MTMR1: variants seen among roughly 807,000 people sequenced by gnomAD.
MTMR1 encodes myotubularin related protein 1.
Under a neutral mutation model 51.6 loss-of-function variants are expected in MTMR1, and 17 were observed. The observed-to-expected ratio is 0.33, with a 90% confidence interval of 0.23 to 0.49. The LOEUF (loss-of-function observed/expected upper bound fraction) is 0.49, where lower values mean the gene tolerates loss of function less well. Among genes scored for constraint, MTMR1 ranks in the 20% least tolerant of loss-of-function variants. The pLI is 0.99. For missense variants in MTMR1, 386 were observed against 526.9 expected (o/e 0.73, Z 2.62); for synonymous variants, 201 against 205.6 (o/e 0.98, Z 0.19).
chrX:150,695,930 G>C (rs781883201), intron 1 of MTMR1, among the ~76,000 whole-genome samples: 2 of 111,828 alleles, frequency 1.8e-5, no homozygotes, highest in Admixed American at 1.9e-4. Flanking sequence ...TCAGATGTGA[G>C]GGGGGAGTGC....
In MTMR1 at chrX:150,730,045, C is replaced by T. The variant is rs569133474; in HGVS notation, c.556-64C>T. 212 of 646,008 alleles carry T rather than the reference C, an allele frequency of 3.3e-4. 1 individual carries two copies. In the South Asian group the frequency reaches 6.7e-3, roughly 20 times the overall value. The allele number at this position is 646,008 out of a possible 1,213,427, so 53.2% of individuals were successfully genotyped here. On this transcript the variant is annotated intron_variant, in intron 6 of 15. Coordinates refer to ENST00000445323, the MANE Select transcript of MTMR1 (RefSeq NM_001306144.3). ...AAAAATAATTTCCTTATTTATGGCA[C>T]GGTATCTGGCTTATAGGTGCCTGAT...
chrX:150,730,980 G>C (rs983193452), intron 8 of MTMR1, among the ~76,000 whole-genome samples: 3 of 112,416 alleles, frequency 2.7e-5, no homozygotes, highest in African/African-American at 3.2e-5. Context: ...CTGATCCAGT[G>C]TTCCCGGGTC....
intron 1 of MTMR1, among the ~76,000 whole-genome samples, chrX:150,697,568 G>A (rs781791599): frequency 9.0e-6 from 1 of 111,363 alleles, no homozygotes; most frequent in South Asian, 3.8e-4. Context: ...AGAGGAACCC[G>A]GCCTCTGGGG....
At chrX:150,714,571 G>A (rs1297022651) in intron 3 of MTMR1, 5 of 924,142 alleles carry the variant, frequency 5.4e-6, no homozygotes, top group Non-Finnish European at 7.1e-6. Flanking sequence ...GCTACAGATC[G>A]TGTATTTAGA....
At chrX:150,693,732 C>T in intron 1 of MTMR1, 56 bp downstream of exon 1, 1 of 720,886 alleles carries the variant, frequency 1.4e-6, no homozygotes, top group Non-Finnish European at 1.6e-6. Context: ...GAGGGCCCCG[C>T]GCGAGGCCAG....
At chrX:150,696,796 C>T (rs1437199420) in intron 1 of MTMR1, among the ~76,000 whole-genome samples, 5 of 111,025 alleles carry the variant, frequency 4.5e-5, no homozygotes, top group Non-Finnish European at 9.4e-5. Context: ...TGGGGAGTGG[C>T]CTCCAGCAGC....
rs2041800943 is a variant in MTMR1, at chrX:150,722,975, T to C, written c.353-4240T>C. ...CATTAACTCGTCATTTAGCATTAGG[T>C]ATATCTCCTAATGCTATCCCTCCCC... On this transcript the variant is annotated intron_variant, in intron 4 of 15. Transcript: ENST00000445323. Among the ~76,000 whole-genome samples the C allele has an allele frequency of 2.8e-5, 3 of 108,184 alleles. No homozygotes were observed. The Admixed American group carries it at 3.0e-4, about 11-fold the overall frequency. 93.9% of individuals were successfully genotyped at this position (108,184 alleles called of 115,157 possible).
rs782819029 is a variant in MTMR1, at chrX:150,727,217, A to G, written c.355A>G (p.Lys119Glu). ...FPGESIKAIVKDVMYICPFMG... is the reference protein window; with the variant it reads ...FPGESIKAIVEDVMYICPFMG... The stretch of plus-strand genomic sequence containing the variant: ...CTACTTTGGCCTTTTTCTTTCAGTG[A>G]AAGATGTCATGTATATCTGCCCATT... The change falls in exon 5 of 16, where the codon AAA (lysine) becomes GAA (glutamate). Residue 119 changes from lysine (K) to glutamate (E), a missense_variant and splice_region_variant. By Grantham distance (56) the Lys-to-Glu change is moderately conservative. Coordinates refer to ENST00000445323, the MANE Select transcript of MTMR1 (RefSeq NM_001306144.3). The G allele has an allele frequency of 9.2e-6, 11 of 1,197,169 alleles. 1 individual carries two copies. In the East Asian group the frequency reaches 3.3e-4, roughly 36 times the overall value.
chrX:150,728,798 A>G (rs1382066619), intron 6 of MTMR1, among the ~76,000 whole-genome samples: 6 of 110,006 alleles, frequency 5.5e-5, no homozygotes, highest in Non-Finnish European at 7.6e-5. Context: ...CTTACAATCT[A>G]TTTATTTTGA....
In MTMR1 at chrX:150,762,819, G is replaced by A. The variant is rs1348344903; in HGVS notation, c.*90G>A. 1.0e-6 allele frequency: 1 copy of A among 1,000,402 alleles called. No individual in the cohort carries two copies. The highest frequency in any genetic ancestry group is 3.7e-5 in the Admixed American group (1 of 27,292). 82.4% of individuals were successfully genotyped at this position (1,000,402 alleles called of 1,213,427 possible). A position where few individuals can be genotyped will look rare whatever the true frequency, so the allele number is the denominator to read the frequency against. On this transcript the variant is annotated 3_prime_UTR_variant, in exon 16 of 16. Coordinates refer to ENST00000445323, the MANE Select transcript of MTMR1 (RefSeq NM_001306144.3). ...TGTTATGGCTGTAGCTTGTGATCTT[G>A]TCTTTTAGGATTAGGCCCAGGGACC...
intron 2 of MTMR1, among the ~76,000 whole-genome samples, chrX:150,708,576 C>T: frequency 9.0e-6 from 1 of 111,015 alleles, no homozygotes; most frequent in African/African-American, 3.3e-5. Context: ...ATTTAGTTAA[C>T]GACAAGATGA....
At chrX:150,752,051 G>A (rs1453654487) in intron 14 of MTMR1, among the ~76,000 whole-genome samples, 5 of 107,834 alleles carry the variant, frequency 4.6e-5, no homozygotes, top group Non-Finnish European at 9.6e-5. Context: ...CGAGTAGCTG[G>A]GATTATAGGC....
Position 150,712,483 on chromosome X carries a change from A to C in MTMR1, c.276+118A>C, listed in dbSNP as rs1397894251. On this transcript the variant is annotated intron_variant, in intron 3 of 15. Transcript: ENST00000445323. The stretch of plus-strand genomic sequence containing the variant: ...TCACTGGTTTTTATGAATCACTCAG[A>C]TCAATTTGCTCTGCTGTGTTATAGC... 8 of 675,968 alleles carry C rather than the reference A, an allele frequency of 1.2e-5. No homozygotes were observed. In the African/African-American group the frequency reaches 1.8e-4, roughly 15 times the overall value. 55.7% of individuals were successfully genotyped at this position (675,968 alleles called of 1,213,427 possible). A position where few individuals can be genotyped will look rare whatever the true frequency, so the allele number is the denominator to read the frequency against.
At position 150,749,715 on chromosome X, in the gene MTMR1, G is replaced by A. The variant is rs904237789; in HGVS notation, c.1567-1015G>A. 3.9e-4 allele frequency among the ~76,000 whole-genome samples: 44 copies of A among 112,339 alleles called. 1 individual carries two copies. Among genetic ancestry groups the A allele is most frequent in the Non-Finnish European group, 6.9e-4 (37 of 53,314 alleles). ...GCCAATATGGTGAATTACAGTAATT[G>A]ATTTGTTTTGTAACATAGATTTTCA... On this transcript the variant is annotated intron_variant, in intron 13 of 15. Coordinates refer to ENST00000445323, the MANE Select transcript of MTMR1 (RefSeq NM_001306144.3).
intron 13 of MTMR1, among the ~76,000 whole-genome samples, chrX:150,748,658 A>AAAAAAAC (rs1294855277): frequency 2.0e-5 from 2 of 99,116 alleles, no homozygotes; most frequent in African/African-American, 7.0e-5. Flanking sequence ...TCTTTACAAA[A>AAAAAAAC]AAAAAACAAA....
At chrX:150,752,332 C>T (rs2042768034) in intron 14 of MTMR1, among the ~76,000 whole-genome samples, 1 of 111,346 alleles carries the variant, frequency 9.0e-6, no homozygotes, top group African/African-American at 3.3e-5. Context: ...TTCCCTGATT[C>T]TCTTTCTGAC....
intron 13 of MTMR1, among the ~76,000 whole-genome samples, chrX:150,747,163 T>C (rs782494645): frequency 2.7e-5 from 3 of 111,103 alleles, no homozygotes; most frequent in South Asian, 7.7e-4. Context: ...AGGTGCAGAA[T>C]TGGGGCCAGG....
intron 12 of MTMR1, among the ~76,000 whole-genome samples, chrX:150,737,757 C>T (rs1367346217): frequency 8.9e-6 from 1 of 111,792 alleles, no homozygotes; most frequent in Admixed American, 9.5e-5. Context: ...ATTATGTAAC[C>T]ATCACCTCTA....
rs5970466 is a variant in MTMR1 at position 150,718,663 on chromosome X, G to C, written c.315G>C (p.Glu105Asp). The C allele has an allele frequency of 2.6e-6, 3 of 1,133,923 alleles. No individual in the cohort carries two copies. The highest frequency in any genetic ancestry group is 3.3e-5 in the East Asian group (1 of 29,902). The allele number at this position is 1,133,923 out of a possible 1,213,427, so 93.4% of individuals were successfully genotyped here. A position where few individuals can be genotyped will look rare whatever the true frequency, so the allele number is the denominator to read the frequency against. The change falls in exon 4 of 16, where the codon GAG becomes GAC. Residue 105 changes from glutamate (E) to aspartate (D), a missense_variant. By Grantham distance (45) the Glu-to-Asp change is conservative. Coordinates refer to ENST00000445323, the MANE Select transcript of MTMR1 (RefSeq NM_001306144.3). ...GAAATAAGCTGGCACAGATGGAAGAGGCTCCACTTTTCCCAGGAGAATCAA... is the reference window on the plus strand; with the variant it reads ...GAAATAAGCTGGCACAGATGGAAGACGCTCCACTTTTCCCAGGAGAATCAA... ...RDGNKLAQMEEAPLFPGESIK... is the reference protein window; with the variant it reads ...RDGNKLAQMEDAPLFPGESIK...
Sources: allele counts gnomAD v4.1 joint callset (sites outside exome capture counted in the v4.1 genomes callset), GRCh38; gene constraint gnomAD v4.1.1; transcripts MANE v1.5; gene names NCBI Gene and HGNC (gene_info 2026-07-23, HGNC 2026-07-21).